The following TAMALIN variants were observed in gnomAD, a reference collection of about 807,000 sequenced individuals.
TAMALIN encodes the protein trafficking regulator and scaffold protein tamalin, also known as protein TAMALIN.
A neutral mutation model predicts 38.5 loss-of-function variants in TAMALIN; 9 were observed. The observed-to-expected ratio is 0.23, with a 90% CI of 0.14 to 0.41. The LOEUF (loss-of-function observed/expected upper bound fraction) is 0.41. Among genes scored for constraint, TAMALIN ranks in the 10% least tolerant of loss-of-function variants. The pLI is 1.00. For synonymous variants in TAMALIN, 306 were observed against 256.5 expected (o/e 1.19, Z -1.85); for missense variants, 548 against 554.1 (o/e 0.99, Z 0.11).
At position 52,015,413 on chromosome 12, in the gene TAMALIN, C is replaced by T; in HGVS notation, c.*214C>T. 1 of 557,220 alleles carries T rather than the reference C, an allele frequency of 1.8e-6. No homozygotes were observed. The highest frequency in any genetic ancestry group is 3.0e-6 in the Non-Finnish European group (1 of 331,872). 34.5% of individuals were successfully genotyped at this position (557,220 alleles called of 1,614,324 possible). On this transcript the variant is annotated 3_prime_UTR_variant, in exon 8 of 8. Coordinates refer to ENST00000293662, the MANE Select transcript of TAMALIN (RefSeq NM_181711.4). ...CTCCCCCGCCAAACCACAGTGGGAG[C>T]TGGGGCAGGGGGAGAGCCAGGCAAT...
At position 52,007,537 on chromosome 12, in the gene TAMALIN, T is replaced by C; in HGVS notation, c.246+272T>C. ...ACTCCTCCCAGCACCCCCCTTCTCC[T>C]ACCCGCTCCATCTGGCTTTCTGCCC... is the stretch of plus-strand genomic sequence containing the variant. On this transcript the variant is annotated intron_variant, in intron 1 of 7. Transcript: ENST00000293662. The surrounding 1 kb of genome is among the most constrained non-coding windows in gnomAD (Gnocchi z 6.7). 1 of 982,034 alleles carries C rather than the reference T, an allele frequency of 1.0e-6. No individual in the cohort carries two copies. The highest frequency in any genetic ancestry group is 1.2e-6 in the Non-Finnish European group (1 of 827,708). 60.8% of individuals were successfully genotyped at this position (982,034 alleles called of 1,614,324 possible).
Position 52,011,278 on chromosome 12 carries a change from T to C in TAMALIN, c.454+137T>C. 1.3e-6 allele frequency: 2 copies of C among 1,494,124 alleles called. No individual in the cohort carries two copies. The highest frequency in any genetic ancestry group is 1.8e-6 in the Non-Finnish European group (2 of 1,106,290). The allele number at this position is 1,494,124 out of a possible 1,614,324, so 92.6% of individuals were successfully genotyped here. ...TGAGAAGGCCAGAAAGAAGAATGGA[T>C]AGAATCTGGGCTTTGGATCTAGGCA... is the stretch of plus-strand genomic sequence containing the variant. On this transcript the variant is annotated intron_variant, in intron 4 of 7. Coordinates refer to ENST00000293662, the MANE Select transcript of TAMALIN (RefSeq NM_181711.4). The surrounding 1 kb of genome is among the most constrained non-coding windows in gnomAD (Gnocchi z 5.3).
chr12:52,011,101 T>A lies in TAMALIN; in HGVS notation c.414T>A (p.Val138=), dbSNP rs753254007. ...AAATGGTGACCTTTGTCTGCCGAGTTCATGAGTCTAGCCCTGCCCAGCTGG... is the reference window on the plus strand; with the variant it reads ...AAATGGTGACCTTTGTCTGCCGAGTACATGAGTCTAGCCCTGCCCAGCTGG... The part of the protein sequence containing the change: ...RVEMVTFVCR[V]HESSPAQLAG... The change falls in exon 4 of 8, where the codon GTT becomes GTA. Residue 138 remains valine (V), a synonymous_variant. Coordinates refer to ENST00000293662, the MANE Select transcript of TAMALIN (RefSeq NM_181711.4). This position sits in a 1 kb window ranked among gnomAD's most constrained non-coding sequence, Gnocchi z 5.3. 1.9e-6 allele frequency: 3 copies of A among 1,612,784 alleles called. No homozygotes were observed. The South Asian group carries it at 3.3e-5, about 18-fold the overall frequency.
Position 52,008,344 on chromosome 12 carries a change from G to A in TAMALIN, c.247-846G>A, listed in dbSNP as rs938905413. 4.5e-5 allele frequency: 44 copies of A among 985,354 alleles called. No homozygotes were observed. In the African/African-American group the frequency reaches 7.3e-4, roughly 16 times the overall value. 61.0% of individuals were successfully genotyped at this position (985,354 alleles called of 1,614,324 possible). A position where few individuals can be genotyped will look rare whatever the true frequency, so the allele number is the denominator to read the frequency against. ...AGGACCAAAAAGTTAGGGAGGGTGAGAGACTACTTTAGTTTATCAAGGACC... is the reference window on the plus strand; with the variant it reads ...AGGACCAAAAAGTTAGGGAGGGTGAAAGACTACTTTAGTTTATCAAGGACC... On this transcript the variant is annotated intron_variant, in intron 1 of 7. Coordinates refer to ENST00000293662, the MANE Select transcript of TAMALIN (RefSeq NM_181711.4).
Position 52,011,027 on chromosome 12 carries a change from T to G in TAMALIN, c.352-12T>G, listed in dbSNP as rs1159301538. The G allele has an allele frequency of 1.2e-6, 2 of 1,613,834 alleles. No homozygotes were observed. Among genetic ancestry groups the G allele is most frequent in the Non-Finnish European group, 1.7e-6 (2 of 1,180,008 alleles). On this transcript the variant is annotated splice_polypyrimidine_tract_variant and intron_variant, in intron 3 of 7. Coordinates refer to ENST00000293662, the MANE Select transcript of TAMALIN (RefSeq NM_181711.4). The surrounding 1 kb of genome is among the most constrained non-coding windows in gnomAD (Gnocchi z 5.3). Reference sequence around the variant, plus strand: ...CCCAACCCTGGGCTGAGGGTCCCCTTGTCCATTACAGACTTATGGCCTTCA... The same window carrying G: ...CCCAACCCTGGGCTGAGGGTCCCCTGGTCCATTACAGACTTATGGCCTTCA...
At position 52,011,244 on chromosome 12, in the gene TAMALIN, T is replaced by C; in HGVS notation, c.454+103T>C. 6.4e-7 allele frequency: 1 copy of C among 1,570,444 alleles called. No individual in the cohort carries two copies. The highest frequency in any genetic ancestry group is 8.6e-7 in the Non-Finnish European group (1 of 1,162,754). On this transcript the variant is annotated intron_variant, in intron 4 of 7. Coordinates refer to ENST00000293662, the MANE Select transcript of TAMALIN (RefSeq NM_181711.4). The surrounding 1 kb of genome is among the most constrained non-coding windows in gnomAD (Gnocchi z 5.3). Reference sequence around the variant, plus strand: ...CTCCTGAAATCAATTCCTCTTCCTTTTCCTTCTTTGAGAAGGCCAGAAAGA... The same window carrying C: ...CTCCTGAAATCAATTCCTCTTCCTTCTCCTTCTTTGAGAAGGCCAGAAAGA...
At position 52,013,879 on chromosome 12, in the gene TAMALIN, T is replaced by C; in HGVS notation, c.551T>C (p.Leu184Pro). 6.2e-7 allele frequency: 1 copy of C among 1,614,126 alleles called. No homozygotes were observed. The highest frequency in any genetic ancestry group is 8.5e-7 in the Non-Finnish European group (1 of 1,179,992). The change falls in exon 6 of 8, where the codon CTG (leucine) becomes CCG (proline). Residue 184 changes from leucine to proline, a missense_variant and splice_region_variant. By Grantham distance (98) the Leu-to-Pro change is moderately conservative (BLOSUM62 -3). Coordinates refer to ENST00000293662, the MANE Select transcript of TAMALIN (RefSeq NM_181711.4). ...AGGCTTTGATTCTCCAACCTCAGAC[T>C]GGAAACTCTATATGGGACATCAATT... ...IIKASGNVLR[L>P]ETLYGTSIRK... is the part of the protein sequence containing the mutation.
chr12:52,015,492 G>A lies in TAMALIN; in HGVS notation c.*293G>A, dbSNP rs917746495. On this transcript the variant is annotated 3_prime_UTR_variant, in exon 8 of 8. Coordinates refer to ENST00000293662, the MANE Select transcript of TAMALIN (RefSeq NM_181711.4). Reference sequence around the variant, plus strand: ...ACAGTCTGCATCTGTAGTGCCTTGTGGGGTATCCAGGAACACCCTCCCAGC... The same window carrying A: ...ACAGTCTGCATCTGTAGTGCCTTGTAGGGTATCCAGGAACACCCTCCCAGC... The A allele has an allele frequency of 8.1e-5, 26 of 320,606 alleles. No homozygotes were observed. In the South Asian group the frequency reaches 9.1e-4, roughly 11 times the overall value. 19.9% of individuals were successfully genotyped at this position (320,606 alleles called of 1,614,324 possible).
At chr12:52,009,294 T>TG in intron 2 of TAMALIN, 55 bp downstream of exon 2, 6 of 1,554,652 alleles carry the variant, frequency 3.9e-6, no homozygotes, top group African/African-American at 1.4e-5. Context: ...GGTGCTGGGT[T>TG]GGGGGGTGCC....
rs1253223045 is a variant in TAMALIN at position 52,014,868 on chromosome 12, A to G, written c.857A>G (p.His286Arg). 2.1e-5 allele frequency: 27 copies of G among 1,271,614 alleles called. No individual in the cohort carries two copies. The highest frequency in any genetic ancestry group is 3.1e-4 in the Middle Eastern group (1 of 3,190). The allele number at this position is 1,271,614 out of a possible 1,614,324, so 78.8% of individuals were successfully genotyped here. ...ARGDADDAVY[H>R]TCFFGDSEPP... ...GGCGACGCCGACGACGCCGTCTACC[A>G]CACGTGCTTCTTCGGGGACTCCGAG... is the stretch of plus-strand genomic sequence containing the variant. Residue 286 changes from histidine to arginine, a missense_variant, in exon 8 of 8, where the codon CAC becomes CGC. Transcript: ENST00000293662.
At chr12:52,013,016 A>T (rs899248619) in intron 4 of TAMALIN, among the ~76,000 whole-genome samples, 4 of 151,788 alleles carry the variant, frequency 2.6e-5, no homozygotes, top group African/African-American at 9.7e-5. Flanking sequence ...CTGGACAGAA[A>T]TAACCAAATC....
chr12:52,009,365 C>A (rs542954108), intron 2 of TAMALIN, 126 bp downstream of exon 2: 2 of 894,980 alleles, frequency 2.2e-6, no homozygotes, highest in South Asian at 1.5e-5. Flanking sequence ...ATGGCTCCCC[C>A]GCTGGGAGTG....
In TAMALIN at chr12:52,007,241, C is replaced by CG; in HGVS notation, c.227dup (p.Thr77HisfsTer20). ...AGCTGTACCGCGCGCTCGCCGTGTC[C>CG]GGGGGCACCCTGCCCCGCCGAAAGG... On this transcript the variant is annotated frameshift_variant, in exon 1 of 8. Transcript: ENST00000293662. LOFTEE classifies it high-confidence loss of function. This position sits in a 1 kb window ranked among gnomAD's most constrained non-coding sequence, Gnocchi z 6.7. The CG allele has an allele frequency of 7.1e-7, 1 of 1,416,560 alleles. No homozygotes were observed. Among genetic ancestry groups the CG allele is most frequent in the Non-Finnish European group, 9.2e-7 (1 of 1,089,710 alleles). 87.7% of individuals were successfully genotyped at this position (1,416,560 alleles called of 1,614,324 possible). A position where few individuals can be genotyped will look rare whatever the true frequency, so the allele number is the denominator to read the frequency against.
chr12:52,009,896 G>T (rs1202516073), intron 2 of TAMALIN, among the ~76,000 whole-genome samples: 3 of 152,216 alleles, frequency 2.0e-5, no homozygotes, highest in Non-Finnish European at 4.4e-5. Flanking sequence ...TTAAAGAGTT[G>T]TAAAAATAAA....
At chr12:52,014,361 G>A in intron 7 of TAMALIN, 160 bp downstream of exon 7, 1 of 674,940 alleles carries the variant, frequency 1.5e-6, no homozygotes, top group South Asian at 1.7e-5. Context: ...GGGTACTGCC[G>A]CAGCCACATT....
At position 52,007,752 on chromosome 12, in the gene TAMALIN, C is replaced by T. The variant is rs1942439263; in HGVS notation, c.246+487C>T. 4 of 985,462 alleles carry T rather than the reference C, an allele frequency of 4.1e-6. No individual in the cohort carries two copies. Among genetic ancestry groups the T allele is most frequent in the Non-Finnish European group, 4.8e-6 (4 of 829,938 alleles). The allele number at this position is 985,462 out of a possible 1,614,324, so 61.0% of individuals were successfully genotyped here. A position where few individuals can be genotyped will look rare whatever the true frequency, so the allele number is the denominator to read the frequency against. On this transcript the variant is annotated intron_variant, in intron 1 of 7. Coordinates refer to ENST00000293662, the MANE Select transcript of TAMALIN (RefSeq NM_181711.4). This position sits in a 1 kb window ranked among gnomAD's most constrained non-coding sequence, Gnocchi z 6.7. Reference sequence around the variant, plus strand: ...AGCCGCTGACTCCGGATAGCACACCCTTCCGAGGGGACTCCCCGATTCCTG... The same window carrying T: ...AGCCGCTGACTCCGGATAGCACACCTTTCCGAGGGGACTCCCCGATTCCTG...
intron 1 of TAMALIN, chr12:52,008,454 A>G: frequency 1.0e-6 from 1 of 971,424 alleles, no homozygotes; most frequent in Non-Finnish European, 1.2e-6. Context: ...TCGGTCCTTT[A>G]GTGAGACTTG....
Position 52,015,404 on chromosome 12 carries a change from C to A in TAMALIN, c.*205C>A. 1 of 581,516 alleles carries A rather than the reference C, an allele frequency of 1.7e-6. No homozygotes were observed. Among genetic ancestry groups the A allele is most frequent in the South Asian group, 2.2e-5 (1 of 44,932 alleles). 36.0% of individuals were successfully genotyped at this position (581,516 alleles called of 1,614,324 possible). ...CCTTCTCTTCTCCCCCGCCAAACCA[C>A]AGTGGGAGCTGGGGCAGGGGGAGAG... On this transcript the variant is annotated 3_prime_UTR_variant, in exon 8 of 8. Transcript: ENST00000293662.
chr12:52,007,261 GA>G lies in TAMALIN; in HGVS notation c.245del (p.Lys82ArgfsTer21). 2.1e-6 allele frequency: 3 copies of G among 1,401,782 alleles called. No homozygotes were observed. The highest frequency in any genetic ancestry group is 2.8e-5 in the East Asian group (1 of 35,868). The allele number at this position is 1,401,782 out of a possible 1,614,324, so 86.8% of individuals were successfully genotyped here. On this transcript the variant is annotated frameshift_variant, in exon 1 of 8. Coordinates refer to ENST00000293662, the MANE Select transcript of TAMALIN (RefSeq NM_181711.4). LOFTEE classifies it high-confidence loss of function. This position sits in a 1 kb window ranked among gnomAD's most constrained non-coding sequence, Gnocchi z 6.7. ...GTGTCCGGGGGCACCCTGCCCCGCC[GA>G]AAGGTGCGTCCCCCGCCCGCCTTCA... ...LAVSGGTLPR[R>X]KGSGFRWKNL...
Sources: gnomAD v4.1 joint callset for allele counts (sites outside exome capture counted in the v4.1 genomes callset) on GRCh38, gnomAD v4.1.1 for gene constraint, Gnocchi (gnomAD v3.1) non-coding constraint, MANE v1.5 for transcripts, NCBI Gene and HGNC (gene_info 2026-07-23, HGNC 2026-07-21) for gene names.